The following ZBTB20 variants were observed in gnomAD, a reference collection of about 807,000 sequenced individuals.
ZBTB20 encodes zinc finger and BTB domain-containing protein 20.
A neutral mutation model predicts 56.9 loss-of-function variants in ZBTB20; 9 were observed. The observed-to-expected ratio is 0.16, with a 90% CI of 0.10 to 0.28. The LOEUF is 0.28. Ranked by LOEUF, ZBTB20 falls within the 10% of genes least tolerant of loss-of-function variation. The pLI is 1.00. For synonymous variants in ZBTB20, 417 were observed against 420.7 expected, an observed-to-expected ratio of 0.99 and a Z score of 0.11; for missense variants, 655 against 1,003.0, an observed-to-expected ratio of 0.65 and a Z score of 4.69.
intron 1 of ZBTB20, among the ~76,000 whole-genome samples, chr3:115,076,432 G>C (rs1002390753): frequency 6.6e-6 from 1 of 152,050 alleles, no homozygotes; most frequent in Non-Finnish European, 1.5e-5. Flanking sequence ...TTTTTTACAA[G>C]GGTGTCAAGA....
At chr3:114,967,575 T>C (rs2077694726) in intron 3 of ZBTB20, among the ~76,000 whole-genome samples, 1 of 152,136 alleles carries the variant, frequency 6.6e-6, no homozygotes, top group South Asian at 2.1e-4. Flanking sequence ...GCATATACTT[T>C]TGCATTCCTC....
intron 6 of ZBTB20, among the ~76,000 whole-genome samples, chr3:114,590,843 C>T (rs1047628511): frequency 6.6e-6 from 1 of 152,170 alleles, no homozygotes; most frequent in Non-Finnish European, 1.5e-5. Flanking sequence ...ACATGCAGAC[C>T]ATTCCAGAAA....
chr3:114,950,706 T>C (rs569422864), intron 3 of ZBTB20, among the ~76,000 whole-genome samples: 7 of 152,082 alleles, frequency 4.6e-5, no homozygotes, highest in Non-Finnish European at 1.0e-4. Flanking sequence ...AAACAAGACA[T>C]GTAGTAGAAT....
intron 5 of ZBTB20, among the ~76,000 whole-genome samples, chr3:114,780,710 T>C (rs1253782676): frequency 6.6e-6 from 1 of 152,100 alleles, no homozygotes; most frequent in Non-Finnish European, 1.5e-5. Flanking sequence ...ATGGTCTCGA[T>C]CTCTTGATCT....
At chr3:114,473,257 T>C (rs2040353605) in intron 7 of ZBTB20, among the ~76,000 whole-genome samples, 1 of 152,190 alleles carries the variant, frequency 6.6e-6, no homozygotes, top group South Asian at 2.1e-4. Context: ...TTTTATAAAA[T>C]CACAGGAGAT....
At chr3:114,704,235 T>C (rs2063574233) in intron 5 of ZBTB20, among the ~76,000 whole-genome samples, 1 of 152,128 alleles carries the variant, frequency 6.6e-6, no homozygotes, top group Non-Finnish European at 1.5e-5. Context: ...CTTCAAGCAA[T>C]AATGAAATGG....
chr3:114,466,396 G>T (rs1270763816), intron 7 of ZBTB20, among the ~76,000 whole-genome samples: 1 of 152,146 alleles, frequency 6.6e-6, no homozygotes, highest in South Asian at 2.1e-4. Flanking sequence ...TCCTATCTGT[G>T]ATCCTGTCTT....
chr3:114,770,348 G>A (rs1156685548), intron 5 of ZBTB20, among the ~76,000 whole-genome samples: 4 of 151,612 alleles, frequency 2.6e-5, no homozygotes, highest in African/African-American at 9.7e-5. Context: ...GCTGAGGCAG[G>A]AAAATCACTT....
chr3:114,905,528 G>A (rs984915055), intron 3 of ZBTB20, among the ~76,000 whole-genome samples: 5 of 151,874 alleles, frequency 3.3e-5, no homozygotes, highest in Non-Finnish European at 7.4e-5. Context: ...ACTTAGCACA[G>A]TACATAATGT....
intron 6 of ZBTB20, among the ~76,000 whole-genome samples, chr3:114,515,200 C>T (rs1410802330): frequency 6.6e-6 from 1 of 152,184 alleles, no homozygotes; most frequent in Non-Finnish European, 1.5e-5. Context: ...AACAAGTACT[C>T]TACTTTCTCA....
At chr3:114,478,494 C>G (rs1429390413) in intron 7 of ZBTB20, among the ~76,000 whole-genome samples, 1 of 152,186 alleles carries the variant, frequency 6.6e-6, no homozygotes, top group African/African-American at 2.4e-5. Flanking sequence ...ATATCTCATT[C>G]TGGAAAAACT....
chr3:114,617,987 T>C (rs2058050738), intron 6 of ZBTB20, among the ~76,000 whole-genome samples: 1 of 151,950 alleles, frequency 6.6e-6, no homozygotes, highest in Non-Finnish European at 1.5e-5. Flanking sequence ...ATAGCACTTA[T>C]CATAAAATGC....
intron 5 of ZBTB20, among the ~76,000 whole-genome samples, chr3:114,764,444 G>T (rs1377865952): frequency 6.6e-6 from 1 of 152,164 alleles, no homozygotes; most frequent in African/African-American, 2.4e-5. Context: ...GGCTACCCTT[G>T]ATAGGTTAGC....
chr3:114,560,804 A>G (rs772469485), intron 6 of ZBTB20, among the ~76,000 whole-genome samples: 5 of 152,134 alleles, frequency 3.3e-5, no homozygotes, highest in Non-Finnish European at 7.3e-5. Context: ...TCTTAAAATA[A>G]GACAACAATG....
At chr3:115,003,657 G>A (rs1408621430) in intron 2 of ZBTB20, among the ~76,000 whole-genome samples, 3 of 151,486 alleles carry the variant, frequency 2.0e-5, no homozygotes, top group African/African-American at 4.8e-5. Context: ...TAGTGAGCAC[G>A]CCCCTACTAA....
chr3:114,843,779 T>G (rs2074508040), intron 4 of ZBTB20, among the ~76,000 whole-genome samples: 1 of 151,888 alleles, frequency 6.6e-6, no homozygotes, highest in African/African-American at 2.4e-5. Flanking sequence ...CAGGTTCAAG[T>G]GATTCTCCTG....
At position 114,316,416 on chromosome 3, in the gene ZBTB20, G is replaced by A. The variant is rs2078686017; in HGVS notation, c.*22589C>T. 5 of 459,998 alleles carry A rather than the reference G, an allele frequency of 1.1e-5. No individual in the cohort carries two copies. The highest frequency in any genetic ancestry group is 7.5e-5 in the Admixed American group (3 of 40,000). The allele number at this position is 459,998 out of a possible 1,614,324, so 28.5% of individuals were successfully genotyped here. On this transcript the variant is annotated 3_prime_UTR_variant, in exon 12 of 12. Transcript: ENST00000675478. Reference sequence around the variant, plus strand: ...TTTGTGTAGCATCTGGTTTTGTAATGAGCATCTGGATTTGTAATGAGCATC... The same window carrying A: ...TTTGTGTAGCATCTGGTTTTGTAATAAGCATCTGGATTTGTAATGAGCATC...
intron 6 of ZBTB20, among the ~76,000 whole-genome samples, chr3:114,556,872 T>C (rs1335815951): frequency 6.6e-6 from 1 of 152,058 alleles, no homozygotes; most frequent in Non-Finnish European, 1.5e-5. Flanking sequence ...TGCAGAAATC[T>C]TTTTGAGAAT....
At chr3:114,873,240 G>A (rs1219430715) in intron 4 of ZBTB20, 1 of 152,032 alleles carries the variant, frequency 6.6e-6, no homozygotes, top group African/African-American at 2.4e-5. Context: ...CAGTATCTAG[G>A]AGAGTTTATG....
Sources: allele counts gnomAD v4.1 joint callset (sites outside exome capture counted in the v4.1 genomes callset), GRCh38; gene constraint gnomAD v4.1.1; transcripts MANE v1.5; gene names NCBI Gene and HGNC (gene_info 2026-07-23, HGNC 2026-07-21).